The following ARMC9 variants were observed in gnomAD, a reference collection of about 807,000 sequenced individuals.
ARMC9 encodes the protein lisH domain-containing protein ARMC9.
ARMC9 carries 94 observed loss-of-function variants against 107.0 expected under a neutral mutation model. That is an observed-to-expected ratio of 0.88 (90% CI 0.74 to 1.04). The LOEUF (loss-of-function observed/expected upper bound fraction) is 1.04, where lower values mean the gene tolerates loss of function less well. Ranked by LOEUF, ARMC9 falls within the 50% of genes least tolerant of loss-of-function variation. The pLI is 0.00. For synonymous variants in ARMC9, 380 were observed against 396.9 expected (o/e 0.96, Z 0.51); for missense variants, 942 against 1,030.1 (o/e 0.91, Z 1.17).
intron 19 of ARMC9, among the ~76,000 whole-genome samples, chr2:231,326,094 A>G (rs2043300188): frequency 2.0e-5 from 3 of 152,326 alleles, no homozygotes; most frequent in Admixed American, 2.0e-4. Flanking sequence ...TTAGCCAGGC[A>G]GCAGGGACCC....
At chr2:231,361,627 G>A (rs2045590070) in intron 23 of ARMC9, among the ~76,000 whole-genome samples, 1 of 152,042 alleles carries the variant, frequency 6.6e-6, no homozygotes, top group African/African-American at 2.4e-5. Context: ...CTTTCTTTTG[G>A]ATCTGGAGAA....
intron 21 of ARMC9, among the ~76,000 whole-genome samples, chr2:231,352,303 A>G (rs2045118543): frequency 6.9e-6 from 1 of 145,022 alleles, no homozygotes; most frequent in Non-Finnish European, 1.5e-5. Context: ...CACTGCTAGG[A>G]TTTTTTTTTT....
At chr2:231,251,497 A>G (rs551521550) in intron 9 of ARMC9, among the ~76,000 whole-genome samples, 48 of 152,246 alleles carry the variant, frequency 3.2e-4, no homozygotes, top group South Asian at 1.2e-3. Context: ...TTCCTTAACA[A>G]TCCTGTGAGG....
chr2:231,330,229 CT>C (rs201716312), intron 19 of ARMC9, among the ~76,000 whole-genome samples: 49,099 of 134,424 alleles, frequency 0.37, 8,411 homozygotes, highest in East Asian at 0.6. Context: ...CTTTTTCTTT[CT>C]TTTTTTTTTT....
At chr2:231,206,370 T>A in intron 2 of ARMC9, 81 bp downstream of exon 2, 1 of 1,094,306 alleles carries the variant, frequency 9.1e-7, no homozygotes, top group Non-Finnish European at 1.4e-6. Flanking sequence ...AACTATTTAG[T>A]GCCTTGTAAT....
At chr2:231,219,503 A>G (rs1203220548) in intron 5 of ARMC9, among the ~76,000 whole-genome samples, 1 of 152,222 alleles carries the variant, frequency 6.6e-6, no homozygotes, top group Non-Finnish European at 1.5e-5. Flanking sequence ...CATTGCTGCT[A>G]TTTTGAAGTT....
intron 20 of ARMC9, among the ~76,000 whole-genome samples, chr2:231,335,719 C>T (rs1211993590): frequency 1.3e-5 from 2 of 152,152 alleles, no homozygotes; most frequent in East Asian, 1.9e-4. Context: ...TGACTTTCCT[C>T]CTGCTTCTCC....
At chr2:231,259,618 C>G (rs1415864166) in intron 11 of ARMC9, among the ~76,000 whole-genome samples, 2 of 152,196 alleles carry the variant, frequency 1.3e-5, no homozygotes, top group Non-Finnish European at 2.9e-5. Flanking sequence ...CCTTTCCACT[C>G]TCAACAATGA....
At position 231,297,641 on chromosome 2, in the gene ARMC9, A is replaced by T. The variant is rs1006936763; in HGVS notation, c.1773+1388A>T. On this transcript the variant is annotated intron_variant, in intron 19 of 24. Transcript: ENST00000611582. This position sits in a 1 kb window ranked among gnomAD's most constrained non-coding sequence, Gnocchi z 4.2. ...AATATTCTTTCAAATACTTAAAAAC[A>T]CAAAAATCATTCTTAGCTGGCGAGC... 6.6e-6 allele frequency among the ~76,000 whole-genome samples: 1 copy of T among 152,206 alleles called. No homozygotes were observed. The highest frequency in any genetic ancestry group is 2.4e-5 in the African/African-American group (1 of 41,458).
chr2:231,254,990 T>C (rs2037635604), intron 9 of ARMC9, among the ~76,000 whole-genome samples: 1 of 152,208 alleles, frequency 6.6e-6, no homozygotes, highest in African/African-American at 2.4e-5. Flanking sequence ...CCAAATACAG[T>C]TAACACTAAT....
rs568494862 is a variant in ARMC9 at position 231,335,690 on chromosome 2, C to G, written c.1878+3793C>G. On this transcript the variant is annotated intron_variant, in intron 20 of 24. Coordinates refer to ENST00000611582, the MANE Select transcript of ARMC9 (RefSeq NM_001352754.2). ...GCTGTGTTCTGCTATAGGCTGTGAA[C>G]GTCAGAGTTCAAGACTGCTGACTTT... is the stretch of plus-strand genomic sequence containing the variant. Among the ~76,000 whole-genome samples the G allele has an allele frequency of 1.7e-4, 26 of 152,288 alleles. 1 individual carries two copies. In the South Asian group the frequency reaches 5.2e-3, roughly 30 times the overall value.
rs765663184 is a variant in ARMC9, at chr2:231,321,998, C to T, written c.1774-9795C>T. 2.6e-5 allele frequency among the ~76,000 whole-genome samples: 4 copies of T among 152,182 alleles called. No homozygotes were observed. The South Asian group carries it at 6.2e-4, about 24-fold the overall frequency. On this transcript the variant is annotated intron_variant, in intron 19 of 24. Coordinates refer to ENST00000611582, the MANE Select transcript of ARMC9 (RefSeq NM_001352754.2). ...AAGTTTAAGCAAGTAAACTGAGCGG[C>T]GAAAGCAAGAGACTGGGAGAATTAG...
At chr2:231,338,506 C>T (rs2044279140) in intron 20 of ARMC9, among the ~76,000 whole-genome samples, 1 of 149,238 alleles carries the variant, frequency 6.7e-6, no homozygotes, top group Admixed American at 6.7e-5. Flanking sequence ...GGATTACAGG[C>T]ATGAGCCACC....
intron 11 of ARMC9, 92 bp from the exon 12 acceptor site, chr2:231,262,214 A>G: frequency 8.8e-7 from 1 of 1,141,410 alleles, no homozygotes; most frequent in Admixed American, 1.7e-5. Context: ...ATGTGTAGGT[A>G]CTGATACTGC....
intron 6 of ARMC9, among the ~76,000 whole-genome samples, chr2:231,226,122 G>A (rs989961878): frequency 1.3e-5 from 2 of 152,200 alleles, no homozygotes; most frequent in Non-Finnish European, 2.9e-5. Flanking sequence ...CTCCCAAATT[G>A]CTGGGATTAC....
intron 21 of ARMC9, among the ~76,000 whole-genome samples, chr2:231,346,407 G>A (rs2125585088): frequency 6.6e-6 from 1 of 152,252 alleles, no homozygotes; most frequent in South Asian, 2.1e-4. Context: ...TGTAGTCCCA[G>A]CTACTCGGGA....
At chr2:231,213,789 G>A (rs567124152) in intron 3 of ARMC9, among the ~76,000 whole-genome samples, 1 of 152,254 alleles carries the variant, frequency 6.6e-6, no homozygotes, top group South Asian at 2.1e-4. Context: ...ATTTTTAGAA[G>A]TATAAAAGAA....
intron 15 of ARMC9, among the ~76,000 whole-genome samples, chr2:231,277,130 G>T (rs2039829971): frequency 6.6e-6 from 1 of 152,126 alleles, no homozygotes; most frequent in Admixed American, 6.5e-5. Context: ...TAAGCTGGCC[G>T]CAGTAGCAGT....
chr2:231,359,988 C>A (rs1359251599), intron 22 of ARMC9, among the ~76,000 whole-genome samples: 1 of 152,148 alleles, frequency 6.6e-6, no homozygotes, highest in Non-Finnish European at 1.5e-5. Flanking sequence ...CTAAGGGAGT[C>A]ACGGATGCAG....
Sources: gnomAD v4.1 joint callset for allele counts (sites outside exome capture counted in the v4.1 genomes callset) on GRCh38, gnomAD v4.1.1 for gene constraint, Gnocchi (gnomAD v3.1) non-coding constraint, MANE v1.5 for transcripts, NCBI Gene and HGNC (gene_info 2026-07-23, HGNC 2026-07-21) for gene names.